The following SLC25A39 variants were observed in gnomAD, a reference collection of about 807,000 sequenced individuals.
The protein encoded by SLC25A39 is solute carrier family 25 member 39, also known as mitochondrial glutathione transporter SLC25A39.
Under a neutral mutation model 46.6 loss-of-function variants are expected in SLC25A39, and 44 were observed. The ratio of observed to expected loss-of-function variants is 0.94; its 90% CI spans 0.74 to 1.21. The LOEUF (loss-of-function observed/expected upper bound fraction) is 1.21, where lower values mean the gene tolerates loss of function less well. Among genes scored for constraint, SLC25A39 ranks in the 50% most tolerant of loss-of-function variants. SLC25A39 has a pLI of 0.00. For synonymous variants in SLC25A39, 218 were observed against 190.6 expected, an observed-to-expected ratio of 1.14 and a Z score of -1.19; for missense variants, 487 against 473.0, an observed-to-expected ratio of 1.03 and a Z score of -0.28.
At position 44,321,135 on chromosome 17, in the gene SLC25A39, G is replaced by C; in HGVS notation, c.614C>G (p.Thr205Ser). Residue 205 changes from threonine (T) to serine (S), a missense_variant, in exon 8 of 12, where the codon ACT (threonine) becomes AGT (serine). Thr to Ser is a moderately conservative substitution (Grantham distance 58). Coordinates refer to ENST00000377095, the MANE Select transcript of SLC25A39 (RefSeq NM_001143780.3). ...GCGCCAGCCACCCTGAGCCACTGCAGTTCGAACACAGGCACCCAGCTCCCG... is the reference window on the plus strand; with the variant it reads ...GCGCCAGCCACCCTGAGCCACTGCACTTCGAACACAGGCACCCAGCTCCCG... The part of the protein sequence containing the change: ...SYRELGACVR[T>S]AVAQGGWRSL... 6.2e-7 allele frequency: 1 copy of C among 1,613,022 alleles called. No individual in the cohort carries two copies. The highest frequency in any genetic ancestry group is 8.5e-7 in the Non-Finnish European group (1 of 1,179,954).
At chr17:44,323,434 GCCCCA>G in intron 2 of SLC25A39, 39 bp downstream of exon 2, 46 of 1,367,758 alleles carry the variant, frequency 3.4e-5, no homozygotes, top group Middle Eastern at 2.6e-4. Context: ...TCTCCGGTCT[GCCCCA>G]TCCCCACCCG....
Position 44,321,375 on chromosome 17 carries a change from G to T in SLC25A39, c.517+59C>A. 4 of 1,610,362 alleles carry T rather than the reference G, an allele frequency of 2.5e-6. No individual in the cohort carries two copies. In the South Asian group the frequency reaches 4.4e-5, roughly 18 times the overall value. The stretch of plus-strand genomic sequence containing the variant: ...GAGGTTGGGGCTGGGAGCTGGGACT[G>T]ACTGGGTTTGGGCCGAGGTGGGGAC... On this transcript the variant is annotated intron_variant, in intron 7 of 11. Transcript: ENST00000377095.
rs776898677 is a variant in SLC25A39, at chr17:44,323,349, G to A, written c.86-6C>T. ...CACCACGTCCAGGGGTGTCACTGGG[G>A]GAGGAAGCGGGTCTGAAGGCTCCTT... On this transcript the variant is annotated splice_region_variant and splice_polypyrimidine_tract_variant and intron_variant, in intron 2 of 11. Transcript: ENST00000377095. 6 of 1,609,236 alleles carry A rather than the reference G, an allele frequency of 3.7e-6. No homozygotes were observed. In the Admixed American group the frequency reaches 1.0e-4, roughly 27 times the overall value.
Position 44,323,298 on chromosome 17 carries a change from G to A in SLC25A39, c.131C>T (p.Pro44Leu), listed in dbSNP as rs201363204. The A allele has an allele frequency of 8.4e-5, 135 of 1,613,764 alleles. No individual in the cohort carries two copies. The highest frequency in any genetic ancestry group is 1.1e-4 in the Non-Finnish European group (128 of 1,179,932). ...VVKVRLQSQR[P>L]SMASELMPSS... ...CAGGTACTCACCGCTGGCCATGGAGGGCCGCTGAGACTGCAGGCGAACCTT... is the reference window on the plus strand; with the variant it reads ...CAGGTACTCACCGCTGGCCATGGAGAGCCGCTGAGACTGCAGGCGAACCTT... The change falls in exon 3 of 12, where the codon CCC becomes CTC. Residue 44 changes from proline to leucine, a missense_variant. Coordinates refer to ENST00000377095, the MANE Select transcript of SLC25A39 (RefSeq NM_001143780.3).
At position 44,320,071 on chromosome 17, in the gene SLC25A39, A is replaced by G. The variant is rs113141115; in HGVS notation, c.1010T>C (p.Met337Thr). The change falls in exon 12 of 12, where the codon ATG (methionine) becomes ACG (threonine). Residue 337 changes from methionine (M) to threonine (T), a missense_variant. By Grantham distance (81) the Met-to-Thr change is moderately conservative (BLOSUM62 -1). Coordinates refer to ENST00000377095, the MANE Select transcript of SLC25A39 (RefSeq NM_001143780.3). ...IIKAAPSCAI[M>T]ISTYEFGKSF... ...TTTGCCGAACTCATAGGTGCTGATCATGATGGCACAGGAGGGGGCAGCCTT... is the reference window on the plus strand; with the variant it reads ...TTTGCCGAACTCATAGGTGCTGATCGTGATGGCACAGGAGGGGGCAGCCTT... The G allele has an allele frequency of 2.5e-6, 4 of 1,614,086 alleles. No homozygotes were observed. Among genetic ancestry groups the G allele is most frequent in the South Asian group, 1.1e-5 (1 of 91,078 alleles).
In SLC25A39 at chr17:44,324,781, G is replaced by C. The variant is rs947293102; in HGVS notation, c.-86C>G. The C allele has an allele frequency of 6.6e-6, 1 of 152,052 alleles. No individual in the cohort carries two copies. The highest frequency in any genetic ancestry group is 1.5e-5 in the Non-Finnish European group (1 of 68,028). 9.4% of individuals were successfully genotyped at this position (152,052 alleles called of 1,614,324 possible). A position where few individuals can be genotyped will look rare whatever the true frequency, so the allele number is the denominator to read the frequency against. On this transcript the variant is annotated 5_prime_UTR_variant, in exon 1 of 12. Transcript: ENST00000377095. ...CGGGCCCATACCGGCTCCGCCGCCT[G>C]TGCGCGGTCCGCGCGCGCTCGCAGC...
chr17:44,323,117 T>G (rs1598348095), intron 3 of SLC25A39, among the ~76,000 whole-genome samples, 167 bp downstream of exon 3: 1 of 152,254 alleles, frequency 6.6e-6, no homozygotes, highest in South Asian at 2.1e-4. Context: ...GTGAGAGAGT[T>G]TCACCACGTT....
At position 44,321,751 on chromosome 17, in the gene SLC25A39, A is replaced by G. The variant is rs760777729; in HGVS notation, c.341T>C (p.Ile114Thr). ...GGTCCTGGTGCCCTCGTGCCTCACGATCTTCACGAAGGCATCCTGGCCAAG... is the reference window on the plus strand; with the variant it reads ...GGTCCTGGTGCCCTCGTGCCTCACGGTCTTCACGAAGGCATCCTGGCCAAG... ...FTGTMDAFVK[I>T]VRHEGTRTLW... Residue 114 changes from isoleucine (I) to threonine (T), a missense_variant, in exon 6 of 12, where the codon ATC becomes ACC. Coordinates refer to ENST00000377095, the MANE Select transcript of SLC25A39 (RefSeq NM_001143780.3). The G allele has an allele frequency of 1.2e-6, 2 of 1,612,466 alleles. No individual in the cohort carries two copies. The highest frequency in any genetic ancestry group is 1.7e-6 in the Non-Finnish European group (2 of 1,179,188).
At chr17:44,323,155 T>A (rs1002188577) in intron 3 of SLC25A39, 129 bp downstream of exon 3, 7 of 1,148,916 alleles carry the variant, frequency 6.1e-6, no homozygotes, top group Non-Finnish European at 8.9e-6. Flanking sequence ...ACTCCTGATC[T>A]CAGGTGATCC....
rs377748698 is a variant in SLC25A39 at position 44,319,963 on chromosome 17, T to G, written c.*38A>C. ...TGGGTCTCCTCCTGCCCTCTCCCCATCCGTGGGAGAGACGGGGTCCTTGCC... is the reference window on the plus strand; with the variant it reads ...TGGGTCTCCTCCTGCCCTCTCCCCAGCCGTGGGAGAGACGGGGTCCTTGCC... On this transcript the variant is annotated 3_prime_UTR_variant, in exon 12 of 12. Transcript: ENST00000377095. 364 of 1,584,550 alleles carry G rather than the reference T, an allele frequency of 2.3e-4. No homozygotes were observed. The highest frequency in any genetic ancestry group is 2.9e-4 in the Non-Finnish European group (335 of 1,153,794).
chr17:44,323,590 C>T lies in SLC25A39; in HGVS notation c.-15-13G>A, dbSNP rs2048131341. On this transcript the variant is annotated splice_polypyrimidine_tract_variant and intron_variant, in intron 1 of 11. Coordinates refer to ENST00000377095, the MANE Select transcript of SLC25A39 (RefSeq NM_001143780.3). ...TGAAGCTTCAGTCCTGAAAACCAAA[C>T]CTCAAACAGACCACAACTCCAGGGA... The T allele has an allele frequency of 6.5e-7, 1 of 1,542,736 alleles. No homozygotes were observed. Among genetic ancestry groups the T allele is most frequent in the Non-Finnish European group, 8.8e-7 (1 of 1,139,662 alleles).
intron 5 of SLC25A39, 34 bp downstream of exon 5, chr17:44,322,385 C>A: frequency 6.2e-7 from 1 of 1,613,264 alleles, no homozygotes; most frequent in Non-Finnish European, 8.5e-7. Flanking sequence ...CTCACGGACA[C>A]CGACGAATCC....
intron 2 of SLC25A39, 33 bp downstream of exon 2, chr17:44,323,437 CCATCCCCA>C: frequency 1.9e-5 from 24 of 1,257,462 alleles, no homozygotes; most frequent in South Asian, 2.8e-5. Flanking sequence ...CCGGTCTGCC[CCATCCCCA>C]CCCGCCCCCA....
intron 7 of SLC25A39, 100 bp downstream of exon 7, chr17:44,321,332 CCT>C (rs2048026535): frequency 6.3e-7 from 1 of 1,591,988 alleles, no homozygotes; most frequent in Non-Finnish European, 8.6e-7. Flanking sequence ...AGAACACCCC[CCT>C]ATCCCTAGGC....
chr17:44,321,218 A>G lies in SLC25A39; in HGVS notation c.531T>C (p.Thr177=), dbSNP rs754510247. 5 of 1,608,050 alleles carry G rather than the reference A, an allele frequency of 3.1e-6. No homozygotes were observed. The highest frequency in any genetic ancestry group is 3.4e-6 in the Non-Finnish European group (4 of 1,177,132). ...AGALARLGTV[T]VISPLELMRT... ...GCATAAGCTCCAGGGGGCTGATCAC[A>G]GTCACGGTGCCCACTGTGTGGGGAT... Residue 177 remains threonine, a synonymous_variant, in exon 8 of 12, where the codon ACT becomes ACC. Coordinates refer to ENST00000377095, the MANE Select transcript of SLC25A39 (RefSeq NM_001143780.3).
In SLC25A39 at chr17:44,320,634, G is replaced by T; in HGVS notation, c.789C>A (p.Gly263=). ...CCAGTCCACTCACCGTCCCTGAGAT[G>T]CCACCAGCCACAAAGCTCATGCCCA... ...TSVGMSFVAG[G]ISGTVAAVLT... Residue 263 remains glycine (G), a synonymous_variant, in exon 9 of 12, where the codon GGC becomes GGA. Transcript: ENST00000377095. 1 of 1,613,824 alleles carries T rather than the reference G, an allele frequency of 6.2e-7. No individual in the cohort carries two copies. The highest frequency in any genetic ancestry group is 1.1e-5 in the South Asian group (1 of 91,074).
intron 5 of SLC25A39, among the ~76,000 whole-genome samples, chr17:44,322,067 G>A (rs182930652): frequency 3.3e-5 from 5 of 152,268 alleles, no homozygotes; most frequent in East Asian, 1.9e-4. Context: ...TGGCCAACAC[G>A]GCAAAACCCT....
chr17:44,321,735 GCCCTCGTGCCT>G lies in SLC25A39; in HGVS notation c.346_356del (p.Arg116HisfsTer27). The G allele has an allele frequency of 6.2e-7, 1 of 1,612,636 alleles. No individual in the cohort carries two copies. Among genetic ancestry groups the G allele is most frequent in the Non-Finnish European group, 8.5e-7 (1 of 1,179,264 alleles). ...GGAGGCCGCTCCAGAGGGTCCTGGT[GCCCTCGTGCCT>G]CACGATCTTCACGAAGGCATCCTGG... On this transcript the variant is annotated frameshift_variant, in exon 6 of 12. Transcript: ENST00000377095. LOFTEE classifies it high-confidence loss of function.
chr17:44,321,527 A>T lies in SLC25A39; in HGVS notation c.424T>A (p.Phe142Ile), dbSNP rs754027920. Residue 142 changes from phenylalanine (F) to isoleucine (I), a missense_variant, in exon 7 of 12, where the codon TTC becomes ATC. By Grantham distance (21) the Phe-to-Ile change is conservative. Coordinates refer to ENST00000377095, the MANE Select transcript of SLC25A39 (RefSeq NM_001143780.3). ...VMTVPATAIY[F>I]TAYDQLKAFL... ...GCCTTCAGTTGGTCATAGGCAGTGA[A>T]GTAGATGGCGGTAGCTGGCACAGTC... is the stretch of plus-strand genomic sequence containing the variant. 1 of 1,613,978 alleles carries T rather than the reference A, an allele frequency of 6.2e-7. No homozygotes were observed. The highest frequency in any genetic ancestry group is 1.3e-5 in the African/African-American group (1 of 74,918).
Sources: allele counts gnomAD v4.1 joint callset (sites outside exome capture counted in the v4.1 genomes callset), GRCh38; gene constraint gnomAD v4.1.1; transcripts MANE v1.5; gene names NCBI Gene and HGNC (gene_info 2026-07-23, HGNC 2026-07-21).